The following DGKB variants were observed in gnomAD, a reference collection of about 807,000 sequenced individuals.
DGKB encodes 90 kDa diacylglycerol kinase.
A neutral mutation model predicts 114.3 loss-of-function variants in DGKB; 67 were observed. That is an observed-to-expected ratio of 0.59 (90% CI 0.48 to 0.72). The LOEUF (loss-of-function observed/expected upper bound fraction) is 0.72. Ranked by LOEUF, DGKB falls within the 30% of genes least tolerant of loss-of-function variation. DGKB has a pLI of 0.00. For synonymous variants in DGKB, 398 were observed against 323.1 expected (o/e 1.23, Z -2.49); for missense variants, 907 against 975.2 (o/e 0.93, Z 0.93).
intron 23 of DGKB, among the ~76,000 whole-genome samples, chr7:14,330,962 T>G (rs1809620558): frequency 6.6e-6 from 1 of 152,030 alleles, no homozygotes; most frequent in South Asian, 2.1e-4. Context: ...TCTAACTTTT[T>G]ATTACTTTTT....
chr7:14,374,470 A>C (rs1484741305), intron 21 of DGKB, among the ~76,000 whole-genome samples: 1 of 152,164 alleles, frequency 6.6e-6, no homozygotes, highest in Admixed American at 6.6e-5. Flanking sequence ...TTCCATTAGA[A>C]TCATTTGCAA....
At chr7:14,811,193 T>A (rs1252779024) in intron 2 of DGKB, among the ~76,000 whole-genome samples, 2 of 152,174 alleles carry the variant, frequency 1.3e-5, no homozygotes, top group Non-Finnish European at 2.9e-5. Flanking sequence ...ATGAGCATAA[T>A]CCCTGTAAAA....
At position 14,853,890 on chromosome 7, in the gene DGKB, AAAAT is replaced by A. The variant is rs1181003124; in HGVS notation, c.-187-12444_-187-12441del. Reference sequence around the variant, plus strand: ...CTCAAAAAAAAAAAAAAAAAAAAAAAAAATTTATCATAAAATGGTAATTGGTAGA... The same window carrying A: ...CTCAAAAAAAAAAAAAAAAAAAAAAATTATCATAAAATGGTAATTGGTAGA... On this transcript the variant is annotated intron_variant, in intron 1 of 25. Coordinates refer to ENST00000402815, the MANE Select transcript of DGKB (RefSeq NM_001350709.2). 2.0e-3 allele frequency among the ~76,000 whole-genome samples: 263 copies of A among 133,174 alleles called. 4 individuals are homozygous for A. Among genetic ancestry groups the A allele is most frequent in the African/African-American group, 7.5e-3 (253 of 33,740 alleles). The allele number at this position is 133,174 out of a possible 152,430, so 87.4% of individuals were successfully genotyped here.
intron 5 of DGKB, among the ~76,000 whole-genome samples, chr7:14,722,591 A>T (rs988233453): frequency 4.6e-5 from 7 of 152,126 alleles, no homozygotes; most frequent in African/African-American, 1.7e-4. Context: ...AGGTGGGAGG[A>T]TCACAAGGTG....
chr7:14,779,339 C>A (rs909418101), intron 2 of DGKB, among the ~76,000 whole-genome samples: 2 of 151,916 alleles, frequency 1.3e-5, no homozygotes, highest in African/African-American at 4.8e-5. Flanking sequence ...AGTTCAAGAC[C>A]AGTCTGGGAA....
chr7:14,852,487 C>CAAAAAACAAAAAACAAAAAAA (rs1554304212), intron 1 of DGKB, among the ~76,000 whole-genome samples: 3 of 63,618 alleles, frequency 4.7e-5, no homozygotes, highest in African/African-American at 1.3e-4. Context: ...TAGTGAAAGT[C>CAAAAAACAAAAAACAAAAAAA]AAAAAAAAAA....
At chr7:14,352,247 CT>C (rs909373891) in intron 21 of DGKB, among the ~76,000 whole-genome samples, 3 of 151,970 alleles carry the variant, frequency 2.0e-5, no homozygotes, top group African/African-American at 2.4e-5. Context: ...ACTAAAGAAA[CT>C]TTTTTTATAT....
rs1464762439 is a variant in DGKB, at chr7:14,901,615, AC to A, written c.-188+976del. Among the ~76,000 whole-genome samples, 3 of 76,784 alleles carry A rather than the reference AC, an allele frequency of 3.9e-5. No homozygotes were observed. In the Admixed American group the frequency reaches 4.2e-4, roughly 11 times the overall value. The allele number at this position is 76,784 out of a possible 152,430, so 50.4% of individuals were successfully genotyped here. ...GTTTGAGGGATTTCCACCCCCCCCC[AC>A]CCCCCACTGCCCCACCACCACTGTA... On this transcript the variant is annotated intron_variant, in intron 1 of 25. Transcript: ENST00000402815.
intron 1 of DGKB, among the ~76,000 whole-genome samples, chr7:14,957,467 G>A (rs1786577420): frequency 1.3e-5 from 2 of 151,920 alleles, no homozygotes; most frequent in Admixed American, 6.6e-5. Context: ...AATATAAGAA[G>A]CTGAGAGAAA....
At chr7:14,436,673 CTTTGA>C (rs1298975257) in intron 21 of DGKB, among the ~76,000 whole-genome samples, 1 of 151,996 alleles carries the variant, frequency 6.6e-6, no homozygotes, top group Non-Finnish European at 1.5e-5. Context: ...AAGTAAATTG[CTTTGA>C]TTTTTTATTT....
rs374929011 is a variant in DGKB at position 14,352,270 on chromosome 7, A to G, written c.1836-6879T>C. Among the ~76,000 whole-genome samples, 3 of 152,340 alleles carry G rather than the reference A, an allele frequency of 2.0e-5. No homozygotes were observed. The East Asian group carries it at 5.8e-4, about 29-fold the overall frequency. ...AACTTTTTTTATATGTAAGTGTAAG[A>G]AAAGGATGCACCCAAAGATCAAATA... On this transcript the variant is annotated intron_variant, in intron 21 of 25. Transcript: ENST00000402815.
intron 23 of DGKB, among the ~76,000 whole-genome samples, chr7:14,284,019 C>G (rs1328834012): frequency 6.6e-6 from 1 of 152,118 alleles, no homozygotes; most frequent in Non-Finnish European, 1.5e-5. Flanking sequence ...CAAATGGGGT[C>G]TAATTAAATT....
chr7:14,675,152 T>C (rs17168344), intron 12 of DGKB, among the ~76,000 whole-genome samples: 7,487 of 152,108 alleles, frequency 0.049, 529 homozygotes, highest in African/African-American at 0.14. Context: ...CCTATTTGTG[T>C]TTACAGCAAG....
At chr7:14,377,013 G>A (rs1008017441) in intron 21 of DGKB, among the ~76,000 whole-genome samples, 2 of 152,200 alleles carry the variant, frequency 1.3e-5, no homozygotes, top group African/African-American at 4.8e-5. Flanking sequence ...TCTTGGAAAT[G>A]TGAGTATAAT....
At chr7:14,694,675 T>C (rs958731158) in intron 8 of DGKB, among the ~76,000 whole-genome samples, 8 of 152,198 alleles carry the variant, frequency 5.3e-5, no homozygotes, top group Admixed American at 3.3e-4. Flanking sequence ...TCAAGTTTAA[T>C]TAAACTTCGT....
chr7:14,936,036 A>T (rs1391529980), intron 1 of DGKB, among the ~76,000 whole-genome samples: 1 of 152,190 alleles, frequency 6.6e-6, no homozygotes, highest in African/African-American at 2.4e-5. Context: ...GAGGATGTTG[A>T]CTATGAGTCT....
intron 21 of DGKB, among the ~76,000 whole-genome samples, chr7:14,362,651 CA>C (rs200348418): frequency 4.8e-4 from 52 of 107,710 alleles, no homozygotes; most frequent in Non-Finnish European, 7.5e-4. Context: ...AATAAAAACC[CA>C]AAAAAAATGC....
intron 21 of DGKB, among the ~76,000 whole-genome samples, chr7:14,423,708 T>A (rs1362904599): frequency 6.6e-6 from 1 of 152,116 alleles, no homozygotes; most frequent in East Asian, 1.9e-4. Flanking sequence ...AATTGATATT[T>A]CACTCAATGA....
chr7:14,463,665 T>C (rs750763455), intron 21 of DGKB, among the ~76,000 whole-genome samples: 10 of 152,184 alleles, frequency 6.6e-5, no homozygotes, highest in Non-Finnish European at 1.0e-4. Flanking sequence ...ATATTAGCCT[T>C]GCATCAAATG....
Sources: allele counts gnomAD v4.1 joint callset (sites outside exome capture counted in the v4.1 genomes callset), GRCh38; gene constraint gnomAD v4.1.1; transcripts MANE v1.5; gene names NCBI Gene and HGNC (gene_info 2026-07-23, HGNC 2026-07-21).